Variants in OR56A3 observed in about 807,000 individuals in gnomAD.
OR56A3 encodes olfactory receptor family 56 subfamily A member 3.
A neutral mutation model predicts 17.5 loss-of-function variants in OR56A3; 23 were observed. The observed-to-expected ratio is 1.32, with a 90% CI of 0.95 to 1.87. The LOEUF (loss-of-function observed/expected upper bound fraction) is 1.87, where lower values mean the gene tolerates loss of function less well. Ranked by LOEUF, OR56A3 falls within the 40% of genes most tolerant of loss-of-function variation. OR56A3 has a pLI of 0.00. For synonymous variants in OR56A3, 175 were observed against 150.6 expected, an observed-to-expected ratio of 1.16 and a Z score of -1.19; for missense variants, 366 against 380.1, an observed-to-expected ratio of 0.96 and a Z score of 0.31.
At chr11:5,997,023 A>G in the OR56A3 span, among the ~76,000 whole-genome samples, 3 of 152,184 alleles carry the variant, frequency 2.0e-5, no homozygotes, top group African/African-American at 4.8e-5. Flanking sequence ...TTCCATGGCA[A>G]TCTTCTCTAG....
the OR56A3 span, among the ~76,000 whole-genome samples, chr11:6,017,444 A>G: frequency 0.41 from 62,764 of 152,090 alleles, 13,874 homozygotes; most frequent in African/African-American, 0.57. Flanking sequence ...CATCTAAGGG[A>G]GCATCTGTCA....
At position 5,942,350 on chromosome 11, in the gene OR56A3, A is replaced by T. The variant is rs1296904685; in HGVS notation, c.-338A>T. 7.2e-5 allele frequency: 11 copies of T among 152,170 alleles called. No individual in the cohort carries two copies. Among genetic ancestry groups the T allele is most frequent in the African/African-American group, 2.7e-4 (11 of 41,462 alleles). The allele number at this position is 152,170 out of a possible 1,614,324, so 9.4% of individuals were successfully genotyped here. On this transcript the variant is annotated 5_prime_UTR_variant, in exon 1 of 3. Coordinates refer to ENST00000641160, the MANE Select transcript of OR56A3 (RefSeq NM_001003443.3). ...TGCTGAAGTAGTCTGAGAAGGAAAT[A>T]AATAAAGACTGCACCCTGTCTCAGG... is the stretch of plus-strand genomic sequence containing the variant.
the OR56A3 span, among the ~76,000 whole-genome samples, chr11:6,017,304 T>A: frequency 6.6e-6 from 1 of 152,148 alleles, no homozygotes; most frequent in South Asian, 2.1e-4. Flanking sequence ...TATCTAGATA[T>A]AGGAAGCTCA....
the OR56A3 span, chr11:6,001,125 A>G: frequency 6.6e-6 from 1 of 152,254 alleles, no homozygotes; most frequent in Non-Finnish European, 1.5e-5. Context: ...TGTGAAAAAC[A>G]AACCTAGAAC....
downstream of OR56A3, among the ~76,000 whole-genome samples, chr11:5,951,856 T>C (rs140430476): frequency 4.2e-4 from 64 of 152,234 alleles, no homozygotes; most frequent in African/African-American, 1.5e-3. Flanking sequence ...AAATACATAA[T>C]AAATAGGTAA....
At chr11:6,002,627 G>A in the OR56A3 span, 1 of 1,614,242 alleles carries the variant, frequency 6.2e-7, no homozygotes, top group Non-Finnish European at 8.5e-7. Flanking sequence ...AACGGTCATA[G>A]GCCATGACCA....
the OR56A3 span, among the ~76,000 whole-genome samples, chr11:6,007,896 G>A: frequency 6.6e-6 from 1 of 152,170 alleles, no homozygotes; most frequent in Non-Finnish European, 1.5e-5. Flanking sequence ...GAGATCCCTG[G>A]GAGTGGCCCT....
chr11:5,983,616 T>C, the OR56A3 span, among the ~76,000 whole-genome samples: 1 of 152,220 alleles, frequency 6.6e-6, no homozygotes, highest in African/African-American at 2.4e-5. Context: ...CTACACTTTA[T>C]ACTTCCACAG....
chr11:5,965,843 A>G, the OR56A3 span, among the ~76,000 whole-genome samples: 3 of 152,142 alleles, frequency 2.0e-5, no homozygotes, highest in Non-Finnish European at 4.4e-5. Flanking sequence ...ATAATTTTCC[A>G]AATGAAAAGA....
the OR56A3 span, among the ~76,000 whole-genome samples, chr11:5,977,954 G>A: frequency 3.3e-5 from 5 of 152,110 alleles, no homozygotes; most frequent in Admixed American, 6.6e-5. Context: ...ACCATTTATC[G>A]AATAGGGAAA....
the OR56A3 span, among the ~76,000 whole-genome samples, chr11:5,988,839 T>G: frequency 1.5e-3 from 226 of 152,324 alleles, no homozygotes; most frequent in African/African-American, 5.0e-3. Context: ...AAACTGGATA[T>G]GTGTATGTAG....
At chr11:5,957,109 A>C in the OR56A3 span, among the ~76,000 whole-genome samples, 93,532 of 151,774 alleles carry the variant, frequency 0.62, 29,311 homozygotes, top group African/African-American at 0.72. Flanking sequence ...GAGATCGCAC[A>C]ATTCCATTCC....
At chr11:5,988,316 T>TA in the OR56A3 span, among the ~76,000 whole-genome samples, 1 of 152,032 alleles carries the variant, frequency 6.6e-6, no homozygotes, top group Non-Finnish European at 1.5e-5. Context: ...ATGGTTTGTT[T>TA]TTTTAAAGAA....
chr11:6,010,111 C>A, the OR56A3 span, among the ~76,000 whole-genome samples: 1 of 152,072 alleles, frequency 6.6e-6, no homozygotes, highest in African/African-American at 2.4e-5. Context: ...GGACTTCTTT[C>A]TCATGCTTTT....
At chr11:5,956,047 C>G (rs1847930554), downstream of OR56A3, among the ~76,000 whole-genome samples, 1 of 152,190 alleles carries the variant, frequency 6.6e-6, no homozygotes, top group Non-Finnish European at 1.5e-5. Flanking sequence ...CTATTTATAG[C>G]ATTCTGTTTT....
chr11:6,017,353 C>A, the OR56A3 span, among the ~76,000 whole-genome samples: 1 of 152,018 alleles, frequency 6.6e-6, no homozygotes, highest in Non-Finnish European at 1.5e-5. Context: ...AGGTATTCTC[C>A]AAGATATATT....
chr11:5,968,589 T>G, the OR56A3 span: 1 of 936,692 alleles, frequency 1.1e-6, no homozygotes, highest in South Asian at 1.7e-5. Flanking sequence ...AAATATTTGC[T>G]AACATTTTCT....
At chr11:5,959,346 T>C in the OR56A3 span, among the ~76,000 whole-genome samples, 2 of 152,276 alleles carry the variant, frequency 1.3e-5, no homozygotes, top group East Asian at 3.9e-4. Context: ...TTTATAATAG[T>C]CATTCTCAAA....
At chr11:6,017,476 C>G in the OR56A3 span, among the ~76,000 whole-genome samples, 1 of 152,172 alleles carries the variant, frequency 6.6e-6, no homozygotes, top group Non-Finnish European at 1.5e-5. Context: ...GATTTCTCAG[C>G]AGAAACCTTA....
Sources: gnomAD v4.1 joint callset for allele counts (sites outside exome capture counted in the v4.1 genomes callset) on GRCh38, gnomAD v4.1.1 for gene constraint, MANE v1.5 for transcripts, NCBI Gene and HGNC (gene_info 2026-07-23, HGNC 2026-07-21) for gene names.